EP300: variants seen among roughly 807,000 people sequenced by gnomAD.
EP300 encodes the protein EP300 lysine acetyltransferase.
A neutral mutation model predicts 264.0 loss-of-function variants in EP300; 31 were observed. The observed-to-expected ratio is 0.12, with a 90% CI of 0.09 to 0.16. EP300 has a LOEUF of 0.16. Among genes scored for constraint, EP300 ranks in the 10% least tolerant of loss-of-function variants. The pLI is 1.00. For missense variants in EP300, 2,766 were observed against 3,052.9 expected (o/e 0.91, Z 2.21); for synonymous variants, 1,340 against 1,045.4 (o/e 1.28, Z -5.44).
At chr22:41,146,501 AT>A in intron 10 of EP300, 1 of 526,036 alleles carries the variant, frequency 1.9e-6, no homozygotes, top group South Asian at 2.1e-5. Flanking sequence ...TTCTATCAAC[AT>A]TGAAAGCACC....
At position 41,147,383 on chromosome 22, in the gene EP300, G is replaced by A. The variant is rs537129731; in HGVS notation, c.2132-454G>A. Among the ~76,000 whole-genome samples the A allele has an allele frequency of 2.6e-5, 4 of 151,780 alleles. No individual in the cohort carries two copies. The East Asian group carries it at 7.8e-4, about 30-fold the overall frequency. On this transcript the variant is annotated intron_variant, in intron 11 of 30. Coordinates refer to ENST00000263253, the MANE Select transcript of EP300 (RefSeq NM_001429.4). Reference sequence around the variant, plus strand: ...TGTTAGTTGATAATGTCTGTTTACTGCTACTGTGAATGAGACAGATTTATT... The same window carrying A: ...TGTTAGTTGATAATGTCTGTTTACTACTACTGTGAATGAGACAGATTTATT...
intron 22 of EP300, among the ~76,000 whole-genome samples, chr22:41,164,708 C>G (rs1436059852): frequency 6.6e-6 from 1 of 152,266 alleles, no homozygotes; most frequent in African/African-American, 2.4e-5. Context: ...GAGTGAGACT[C>G]TGTCTCAAAG....
chr22:41,131,365 A>G (rs763304494), intron 5 of EP300, 23 bp from the exon 6 acceptor site: 2 of 1,611,788 alleles, frequency 1.2e-6, no homozygotes, highest in Admixed American at 1.7e-5. Flanking sequence ...AATTTGTAAT[A>G]CTATATCTTT....
chr22:41,098,465 G>A (rs1216226859), intron 1 of EP300, among the ~76,000 whole-genome samples: 1 of 152,086 alleles, frequency 6.6e-6, no homozygotes, highest in Non-Finnish European at 1.5e-5. Context: ...TCCGCCTCCC[G>A]GGTTCAAGCC....
At chr22:41,165,469 G>A (rs2059129105) in intron 22 of EP300, among the ~76,000 whole-genome samples, 2 of 152,078 alleles carry the variant, frequency 1.3e-5, no homozygotes, top group African/African-American at 4.8e-5. Flanking sequence ...TGTTGCCCAG[G>A]CTGGAGTGCA....
At position 41,176,031 on chromosome 22, in the gene EP300, G is replaced by A. The variant is rs1282611537; in HGVS notation, c.4780-216G>A. On this transcript the variant is annotated intron_variant, in intron 29 of 30. Transcript: ENST00000263253. ...GCTTAGGAGTTTGAGACCAGCCTGG[G>A]CAACATGGCGAAGCCTCGTCTCTAC... The A allele has an allele frequency of 1.0e-5, 6 of 584,712 alleles. No individual in the cohort carries two copies. In the South Asian group the frequency reaches 1.2e-4, roughly 12 times the overall value. The allele number at this position is 584,712 out of a possible 1,614,324, so 36.2% of individuals were successfully genotyped here. A position where few individuals can be genotyped will look rare whatever the true frequency, so the allele number is the denominator to read the frequency against.
intron 1 of EP300, among the ~76,000 whole-genome samples, chr22:41,097,991 G>C (rs1160083231): frequency 7.0e-6 from 1 of 142,634 alleles, no homozygotes; most frequent in Admixed American, 6.8e-5. Context: ...ACCGCGCCCA[G>C]CTAAAAATTT....
chr22:41,111,721 G>A (rs2058791520), intron 1 of EP300, among the ~76,000 whole-genome samples: 1 of 151,454 alleles, frequency 6.6e-6, no homozygotes, highest in African/African-American at 2.4e-5. Context: ...TGTATTTTTG[G>A]TAGAGACGGG....
At chr22:41,171,735 C>T (rs1475640873) in intron 27 of EP300, among the ~76,000 whole-genome samples, 1 of 151,746 alleles carries the variant, frequency 6.6e-6, no homozygotes, top group Non-Finnish European at 1.5e-5. Context: ...CCTCAGCCTC[C>T]CGAGTAGCTG....
intron 10 of EP300, 29 bp from the exon 11 acceptor site, chr22:41,146,708 CAA>C: frequency 6.3e-7 from 1 of 1,597,568 alleles, no homozygotes; most frequent in Non-Finnish European, 8.6e-7. Flanking sequence ...GAAGATGGTG[CAA>C]AGATACTTAT....
Position 41,117,240 on chromosome 22 carries a change from T to C in EP300, c.148T>C (p.Ser50Pro), listed in dbSNP as rs550774953. ...CGACTTACCAGATGAATTAATCAACTCTACAGAATTGGGACTAACCAATGG... is the reference window on the plus strand; with the variant it reads ...CGACTTACCAGATGAATTAATCAACCCTACAGAATTGGGACTAACCAATGG... ...EHDLPDELIN[S>P]TELGLTNGGD... The change falls in exon 2 of 31, where the codon TCT becomes CCT. Residue 50 changes from serine (S) to proline (P), a missense_variant. By Grantham distance (74) the Ser-to-Pro change is moderately conservative. Transcript: ENST00000263253. 8.7e-6 allele frequency: 14 copies of C among 1,614,096 alleles called. No individual in the cohort carries two copies. The highest frequency in any genetic ancestry group is 2.7e-5 in the African/African-American group (2 of 74,928).
intron 6 of EP300, among the ~76,000 whole-genome samples, chr22:41,132,105 A>C (rs2058923072): frequency 6.6e-6 from 1 of 151,182 alleles, no homozygotes; most frequent in Admixed American, 6.6e-5. Context: ...CTGAGACAGG[A>C]GAATGGCTTG....
chr22:41,177,741 G>A lies in EP300; in HGVS notation c.6030G>A (p.Met2010Ile), dbSNP rs2145519016. 6.2e-7 allele frequency: 1 copy of A among 1,613,804 alleles called. No individual in the cohort carries two copies. The highest frequency in any genetic ancestry group is 8.5e-7 in the Non-Finnish European group (1 of 1,180,016). ...AGCCCCAGCAACTACAGTCTGGGAT[G>A]CCAAGGCCAGCCATGATGTCAGTGG... ...LPQPQQLQSGMPRPAMMSVAQ... is the reference protein window; with the variant it reads ...LPQPQQLQSGIPRPAMMSVAQ... Residue 2010 changes from methionine (M) to isoleucine (I), a missense_variant, in exon 31 of 31, where the codon ATG (methionine) becomes ATA (isoleucine). Transcript: ENST00000263253.
rs1569115700 is a variant in EP300, at chr22:41,167,596, AT to A, written c.3875-852del. 1.1e-3 allele frequency among the ~76,000 whole-genome samples: 14 copies of A among 13,264 alleles called. 1 individual carries two copies. The highest frequency in any genetic ancestry group is 2.5e-3 in the African/African-American group (13 of 5,292). 8.7% of individuals were successfully genotyped at this position (13,264 alleles called of 152,430 possible). A position where few individuals can be genotyped will look rare whatever the true frequency, so the allele number is the denominator to read the frequency against. ...TGTGTGTGTGTGTGTATATATATATATATATATATATATATATATATATATA... is the reference window on the plus strand; with the variant it reads ...TGTGTGTGTGTGTGTATATATATATAATATATATATATATATATATATATA... On this transcript the variant is annotated intron_variant, in intron 23 of 30. Coordinates refer to ENST00000263253, the MANE Select transcript of EP300 (RefSeq NM_001429.4).
intron 19 of EP300, 67 bp from the exon 20 acceptor site, chr22:41,160,575 G>A (rs956561654): frequency 1.5e-5 from 23 of 1,525,728 alleles, no homozygotes; most frequent in Admixed American, 3.4e-5. Flanking sequence ...TGGTGGCTTC[G>A]TTGCTTGGCT....
At chr22:41,094,458 T>C (rs551937895) in intron 1 of EP300, among the ~76,000 whole-genome samples, 1 of 152,342 alleles carries the variant, frequency 6.6e-6, no homozygotes, top group South Asian at 2.1e-4. Context: ...CCTGCAAAAA[T>C]TGAGAAGTAG....
chr22:41,110,694 CT>C (rs1327624499), intron 1 of EP300, among the ~76,000 whole-genome samples: 2 of 150,988 alleles, frequency 1.3e-5, no homozygotes, highest in African/African-American at 4.9e-5. Flanking sequence ...GTGAGCCACC[CT>C]TCTGGCTGTC....
intron 29 of EP300, among the ~76,000 whole-genome samples, chr22:41,175,513 A>G (rs529043492): frequency 5.2e-4 from 79 of 152,200 alleles, no homozygotes; most frequent in Non-Finnish European, 8.8e-4. Context: ...AATGAACAAG[A>G]ATTTTATTGC....
chr22:41,145,847 G>GA (rs1201686768), intron 10 of EP300, among the ~76,000 whole-genome samples: 15 of 152,014 alleles, frequency 9.9e-5, no homozygotes, highest in Admixed American at 9.8e-4. Context: ...GTGCTATCTA[G>GA]GATGGTCTCG....
Sources: gnomAD v4.1 joint callset for allele counts (sites outside exome capture counted in the v4.1 genomes callset) on GRCh38, gnomAD v4.1.1 for gene constraint, MANE v1.5 for transcripts, NCBI Gene and HGNC (gene_info 2026-07-23, HGNC 2026-07-21) for gene names.